MYO10: variants seen among roughly 807,000 people sequenced by gnomAD.
MYO10 encodes the protein myosin X.
In MYO10, 133 loss-of-function variants were observed where a neutral mutation model predicts 257.3. The observed-to-expected ratio is 0.52, with a 90% CI of 0.45 to 0.60. MYO10 has a LOEUF of 0.60. Among genes scored for constraint, MYO10 ranks in the 20% least tolerant of loss-of-function variants. The probability of loss-of-function intolerance (pLI) is 0.00; values close to 1 mark genes in which losing one functional copy is unlikely to be tolerated. For missense variants in MYO10, 2,399 were observed against 2,635.7 expected, an observed-to-expected ratio of 0.91 and a Z score of 1.97; for synonymous variants, 1,104 against 1,028.6, an observed-to-expected ratio of 1.07 and a Z score of -1.40.
chr5:16,666,816 G>C, intron 40 of MYO10, 23 bp from the exon 41 acceptor site: 1 of 1,561,158 alleles, frequency 6.4e-7, no homozygotes. Flanking sequence ...AAGCAGAACC[G>C]ACACAGCGTC....
At chr5:16,683,538 C>CT (rs1737104710) in intron 30 of MYO10, among the ~76,000 whole-genome samples, 1 of 152,200 alleles carries the variant, frequency 6.6e-6, no homozygotes, top group South Asian at 2.1e-4. Context: ...CTCCCTTCCC[C>CT]TTTGCTGGAA....
rs763586602 is a variant in MYO10 at position 16,701,036 on chromosome 5, T to A, written c.3359A>T (p.Asp1120Val). 5 of 1,563,908 alleles carry A rather than the reference T, an allele frequency of 3.2e-6. No homozygotes were observed. Among genetic ancestry groups the A allele is most frequent in the Non-Finnish European group, 4.3e-6 (5 of 1,154,580 alleles). Residue 1120 changes from aspartate to valine, a missense_variant, in exon 25 of 41, where the codon GAC becomes GTC. This residue lies in a region of MYO10 where 1,820 missense variants were observed against 1,939.4 expected (regional missense o/e 0.94). Transcript: ENST00000513610. This position sits in a 1 kb window ranked among gnomAD's most constrained non-coding sequence, Gnocchi z 8.1. Reference sequence around the variant, plus strand: ...GTAGGTCCCCACAGAGCAGCGGTAGTCGGGGGACCACTGGCTGCCGTAGGA... The same window carrying A: ...GTAGGTCCCCACAGAGCAGCGGTAGACGGGGGACCACTGGCTGCCGTAGGA... ...SNSYGSQWSP[D>V]YRCSVGTYNS...
intron 9 of MYO10, among the ~76,000 whole-genome samples, chr5:16,775,417 TTGA>T (rs1454670787): frequency 6.6e-6 from 1 of 152,202 alleles, no homozygotes; most frequent in East Asian, 1.9e-4. Flanking sequence ...AACATTAAAG[TTGA>T]TAAAAAGAAT....
At position 16,874,350 on chromosome 5, in the gene MYO10, G is replaced by A. The variant is rs865991493; in HGVS notation, c.120+3259C>T. ...CTCCATCTAAAAAAAAAAGCGGGGG[G>A]GGGGGGGGGTTTCTTTTCTATCACA... On this transcript the variant is annotated intron_variant, in intron 2 of 40. Transcript: ENST00000513610. Among the ~76,000 whole-genome samples the A allele has an allele frequency of 4.4e-3, 491 of 110,394 alleles. 60 individuals carry two copies. Among genetic ancestry groups the A allele is most frequent in the Admixed American group, 0.025 (257 of 10,302 alleles). The allele number at this position is 110,394 out of a possible 152,430, so 72.4% of individuals were successfully genotyped here.
At chr5:16,852,336 C>A (rs950679172) in intron 2 of MYO10, among the ~76,000 whole-genome samples, 1 of 151,720 alleles carries the variant, frequency 6.6e-6, no homozygotes, top group African/African-American at 2.4e-5. Flanking sequence ...GGGGCTTAAT[C>A]GTAGATGTAT....
intron 4 of MYO10, among the ~76,000 whole-genome samples, chr5:16,790,006 C>G (rs1326651520): frequency 6.6e-6 from 1 of 151,982 alleles, no homozygotes; most frequent in African/African-American, 2.4e-5. Flanking sequence ...CCCACTCCAC[C>G]TCTTTCATCT....
At chr5:16,783,958 C>A in intron 4 of MYO10, among the ~76,000 whole-genome samples, 1 of 152,214 alleles carries the variant, frequency 6.6e-6, no homozygotes, top group East Asian at 1.9e-4. Flanking sequence ...ACAACCCACA[C>A]TAACTCATGT....
intron 3 of MYO10, among the ~76,000 whole-genome samples, chr5:16,803,662 T>C (rs1249793317): frequency 1.3e-5 from 2 of 152,278 alleles, no homozygotes; most frequent in South Asian, 2.1e-4. Flanking sequence ...CCAGATTTAA[T>C]TGGAACCAAA....
chr5:16,722,133 G>T (rs1279930572), intron 19 of MYO10, among the ~76,000 whole-genome samples: 1 of 152,142 alleles, frequency 6.6e-6, no homozygotes, highest in Non-Finnish European at 1.5e-5. Context: ...TCTCTCAAAT[G>T]CTCCCTCCTG....
chr5:16,780,747 T>C lies in MYO10; in HGVS notation c.728-6A>G, dbSNP rs773898740. On this transcript the variant is annotated splice_polypyrimidine_tract_variant and splice_region_variant and intron_variant, in intron 6 of 40. Transcript: ENST00000513610. ...ACTTACTTTTTCTAATAAATCTTCA[T>C]GTGAAAAGCAATGGCAAGTCAAGGA... 36 of 1,573,024 alleles carry C rather than the reference T, an allele frequency of 2.3e-5. No homozygotes were observed. Among genetic ancestry groups the C allele is most frequent in the Non-Finnish European group, 2.9e-5 (34 of 1,157,748 alleles).
intron 17 of MYO10, among the ~76,000 whole-genome samples, chr5:16,759,078 C>T (rs1392948115): frequency 1.3e-5 from 2 of 152,106 alleles, no homozygotes; most frequent in East Asian, 1.9e-4. Flanking sequence ...CCTGCCATCA[C>T]GCCTGGCTAA....
intron 9 of MYO10, among the ~76,000 whole-genome samples, chr5:16,771,271 T>A (rs1741039815): frequency 6.6e-6 from 1 of 152,034 alleles, no homozygotes; most frequent in Admixed American, 6.6e-5. Flanking sequence ...TCTGTCAAAT[T>A]AGCAAAAAAT....
chr5:16,879,580 C>G (rs565800922), intron 1 of MYO10, among the ~76,000 whole-genome samples: 1 of 152,172 alleles, frequency 6.6e-6, no homozygotes, highest in Non-Finnish European at 1.5e-5. Flanking sequence ...GAGCTTAAGA[C>G]TTTGCCCAGT....
chr5:16,876,497 GACA>G (rs1174432891), intron 2 of MYO10, among the ~76,000 whole-genome samples: 1 of 152,096 alleles, frequency 6.6e-6, no homozygotes, highest in Non-Finnish European at 1.5e-5. Context: ...CAGTGATCAG[GACA>G]ACATTACCCT....
intron 27 of MYO10, among the ~76,000 whole-genome samples, chr5:16,692,334 C>T (rs1050860115): frequency 6.6e-6 from 1 of 152,008 alleles, no homozygotes; most frequent in African/African-American, 2.4e-5. Context: ...GCAGGAGAAT[C>T]GCTTGAACCA....
intron 2 of MYO10, among the ~76,000 whole-genome samples, chr5:16,824,094 G>A (rs1317604260): frequency 6.6e-6 from 1 of 152,164 alleles, no homozygotes; most frequent in African/African-American, 2.4e-5. Context: ...ACATAACTTG[G>A]AGAAGGGGCT....
chr5:16,727,020 A>C, intron 19 of MYO10, among the ~76,000 whole-genome samples: 1 of 152,238 alleles, frequency 6.6e-6, no homozygotes, highest in Non-Finnish European at 1.5e-5. Flanking sequence ...AGGGTGCTCA[A>C]CTGGTGCAAA....
chr5:16,732,219 C>T (rs1739612035), intron 19 of MYO10, among the ~76,000 whole-genome samples: 1 of 151,766 alleles, frequency 6.6e-6, no homozygotes, highest in Admixed American at 6.6e-5. Flanking sequence ...CCCAAAGAAA[C>T]AAAGGAAGGA....
chr5:16,778,719 GTC>G (rs1741307450), intron 9 of MYO10, among the ~76,000 whole-genome samples: 1 of 134,714 alleles, frequency 7.4e-6, no homozygotes, highest in Non-Finnish European at 1.5e-5. Flanking sequence ...TTGAGACGGA[GTC>G]TCGCTGTCTC....
Sources: allele counts gnomAD v4.1 joint callset (sites outside exome capture counted in the v4.1 genomes callset), GRCh38; gene constraint gnomAD v4.1.1; regional missense constraint gnomAD v4.1.1; non-coding constraint Gnocchi (gnomAD v3.1); transcripts MANE v1.5; gene names NCBI Gene and HGNC (gene_info 2026-07-23, HGNC 2026-07-21).